Variants in DST observed in about 807,000 individuals in gnomAD.
DST encodes bullous pemphigoid antigen.
DST carries 253 observed loss-of-function variants against 875.2 expected under a neutral mutation model. That is an observed-to-expected ratio of 0.29 (90% CI 0.26 to 0.32). The LOEUF is 0.32. Among genes scored for constraint, DST ranks in the 10% least tolerant of loss-of-function variants. DST has a pLI of 1.00. For missense variants in DST, 8,287 were observed against 9,111.6 expected (o/e 0.91, Z 3.68); for synonymous variants, 3,124 against 3,197.1 (o/e 0.98, Z 0.77).
At position 56,851,568 on chromosome 6, in the gene DST, A is replaced by C. The variant is rs1218220419; in HGVS notation, c.454T>G (p.Ser152Ala). The C allele has an allele frequency of 1.9e-6, 3 of 1,614,006 alleles. No individual in the cohort carries two copies. Among genetic ancestry groups the C allele is most frequent in the Admixed American group, 1.7e-5 (1 of 60,028 alleles). ...TCCTCATCGGAAAAATCCGCAGAGGAAGACATAGAGCAGCGATAGGACGCG... is the reference window on the plus strand; with the variant it reads ...TCCTCATCGGAAAAATCCGCAGAGGCAGACATAGAGCAGCGATAGGACGCG... ...GNASYRCSMS[S>A]SADFSDEDDF... The change falls in exon 4 of 104, where the codon TCC (serine) becomes GCC (alanine). Residue 152 changes from serine (S) to alanine (A), a missense_variant. Around this residue, in one of 10 missense-constraint regions of DST, gnomAD observed 1,160 missense variants for 1,424.3 expected, o/e 0.81. Coordinates refer to ENST00000680361, the MANE Select transcript of DST (RefSeq NM_001374736.1).
intron 69 of DST, among the ~76,000 whole-genome samples, chr6:56,522,776 T>C (rs895410202): frequency 1.3e-5 from 2 of 152,056 alleles, no homozygotes; most frequent in African/African-American, 4.8e-5. Flanking sequence ...AAGCTTGGGA[T>C]TCCCAGACCC....
chr6:56,691,892 C>T (rs140295896), intron 9 of DST, among the ~76,000 whole-genome samples: 1 of 152,290 alleles, frequency 6.6e-6, no homozygotes. Context: ...GTGAATGTTT[C>T]TGCACATGAA....
chr6:56,776,498 G>T (rs2099679489), intron 4 of DST, among the ~76,000 whole-genome samples: 1 of 152,138 alleles, frequency 6.6e-6, no homozygotes, highest in African/African-American at 2.4e-5. Flanking sequence ...AACAACAGGG[G>T]AAGTTGGACA....
Position 56,635,457 on chromosome 6 carries a change from G to C in DST, c.3186+132C>G, listed in dbSNP as rs558656348. On this transcript the variant is annotated intron_variant, in intron 24 of 103. Coordinates refer to ENST00000680361, the MANE Select transcript of DST (RefSeq NM_001374736.1). ...TTGTTGCCAAAAGAATACTAAAACTGAATGTGCAAATGTGTAATTGAATTA... is the reference window on the plus strand; with the variant it reads ...TTGTTGCCAAAAGAATACTAAAACTCAATGTGCAAATGTGTAATTGAATTA... The C allele has an allele frequency of 1.0e-5, 9 of 900,224 alleles. No homozygotes were observed. The South Asian group carries it at 1.5e-4, about 15-fold the overall frequency. The allele number at this position is 900,224 out of a possible 1,614,324, so 55.8% of individuals were successfully genotyped here.
intron 3 of DST, among the ~76,000 whole-genome samples, chr6:56,878,041 TA>T (rs953344272): frequency 2.5e-4 from 37 of 147,480 alleles, no homozygotes; most frequent in East Asian, 3.9e-4. Flanking sequence ...AATTGGAAGT[TA>T]AAAAAAAAAA....
chr6:56,561,173 A>G lies in DST; in HGVS notation c.14310+135T>C, dbSNP rs1884286. ...ATCTTTATAGAAAGGCACATTAAACAAAACTGTCAATTATGTGCTAAAGGT... is the reference window on the plus strand; with the variant it reads ...ATCTTTATAGAAAGGCACATTAAACGAAACTGTCAATTATGTGCTAAAGGT... On this transcript the variant is annotated intron_variant, in intron 57 of 103. Coordinates refer to ENST00000680361, the MANE Select transcript of DST (RefSeq NM_001374736.1). 0.39 allele frequency: 404,025 copies of G among 1,027,796 alleles called. 81,616 individuals carry two copies. The highest frequency in any genetic ancestry group is 0.42 in the Admixed American group (13,450 of 31,936). The allele number at this position is 1,027,796 out of a possible 1,614,324, so 63.7% of individuals were successfully genotyped here.
chr6:56,927,709 T>C (rs1458377074), intron 2 of DST, among the ~76,000 whole-genome samples: 1 of 152,190 alleles, frequency 6.6e-6, no homozygotes, highest in Non-Finnish European at 1.5e-5. Flanking sequence ...GCAACTGATC[T>C]TGACAAAAAT....
rs1163080227 is a variant in DST at position 56,601,554 on chromosome 6, C to T, written c.11430G>A (p.Arg3810=). 8.7e-6 allele frequency: 14 copies of T among 1,604,652 alleles called. No homozygotes were observed. The highest frequency in any genetic ancestry group is 1.2e-5 in the Non-Finnish European group (14 of 1,175,604). The change falls in exon 44 of 104, where the codon AGG becomes AGA. Residue 3810 remains arginine (R), a synonymous_variant. Coordinates refer to ENST00000680361, the MANE Select transcript of DST (RefSeq NM_001374736.1). The part of the protein sequence containing the change: ...LSPNQSKQLL[R]LLNTTQKCFL... Reference sequence around the variant, plus strand: ...AACACTTCTGAGTTGTATTTAAGAGCCTCAGCAGTTGTTTGCTTTGGTTGG... The same window carrying T: ...AACACTTCTGAGTTGTATTTAAGAGTCTCAGCAGTTGTTTGCTTTGGTTGG...
chr6:56,669,542 G>A (rs1588185333), intron 10 of DST, among the ~76,000 whole-genome samples: 1 of 150,742 alleles, frequency 6.6e-6, no homozygotes, highest in Non-Finnish European at 1.5e-5. Flanking sequence ...GCTGCAGTGA[G>A]CTGAGATCAT....
Position 56,934,560 on chromosome 6 carries a change from TTATATATATA to T in DST, c.216+19215_216+19224del, listed in dbSNP as rs60018139. ...TAAAATATACATATTATATATTATA[TTATATATATA>T]TATATATATATATATATATCGTGAG... is the stretch of plus-strand genomic sequence containing the variant. On this transcript the variant is annotated intron_variant, in intron 2 of 103. Transcript: ENST00000680361. Among the ~76,000 whole-genome samples, 18 of 106,486 alleles carry T rather than the reference TTATATATATA, an allele frequency of 1.7e-4. No homozygotes were observed. In the South Asian group the frequency reaches 1.8e-3, roughly 11 times the overall value. The allele number at this position is 106,486 out of a possible 152,430, so 69.9% of individuals were successfully genotyped here.
At chr6:56,474,836 G>A (rs1019485957) in intron 92 of DST, among the ~76,000 whole-genome samples, 2 of 151,972 alleles carry the variant, frequency 1.3e-5, no homozygotes, top group African/African-American at 4.8e-5. Flanking sequence ...GCATGTGCCT[G>A]TAGTCCCAGC....
rs377495525 is a variant in DST, at chr6:56,716,907, T to C, written c.688-12538A>G. ...TATAACAAGCATGCAACCGACCGGGTGCGGTGGCTCACGCCTGTAATCCCA... is the reference window on the plus strand; with the variant it reads ...TATAACAAGCATGCAACCGACCGGGCGCGGTGGCTCACGCCTGTAATCCCA... On this transcript the variant is annotated intron_variant, in intron 5 of 103. Transcript: ENST00000680361. 1.8e-4 allele frequency among the ~76,000 whole-genome samples: 27 copies of C among 152,080 alleles called. No individual in the cohort carries two copies. In the East Asian group the frequency reaches 4.1e-3, roughly 23 times the overall value.
rs748597663 is a variant in DST at position 56,469,974 on chromosome 6, T to A, written c.22477-17A>T. ...CCTTGTCACCTGCCAAAAACAATGA[T>A]GAAATATTTACTTTAATGTCAATAT... On this transcript the variant is annotated splice_polypyrimidine_tract_variant and intron_variant, in intron 96 of 103. Coordinates refer to ENST00000680361, the MANE Select transcript of DST (RefSeq NM_001374736.1). 6.2e-7 allele frequency: 1 copy of A among 1,612,890 alleles called. No individual in the cohort carries two copies. The highest frequency in any genetic ancestry group is 8.5e-7 in the Non-Finnish European group (1 of 1,178,950).
chr6:56,801,186 C>T (rs2099746389), intron 4 of DST, among the ~76,000 whole-genome samples: 1 of 152,092 alleles, frequency 6.6e-6, no homozygotes. Flanking sequence ...TGGATTTCAT[C>T]AGTTTTTCAT....
chr6:56,578,852 G>C lies in DST; in HGVS notation c.12989C>G (p.Ser4330Cys), dbSNP rs1347926129. The change falls in exon 50 of 104, where the codon TCT becomes TGT. Residue 4330 changes from serine (S) to cysteine (C), a missense_variant. By Grantham distance (112) the Ser-to-Cys change is moderately radical (BLOSUM62 -1). This residue lies in a region of DST where 1,513 missense variants were observed against 1,677.8 expected (regional missense o/e 0.90). Coordinates refer to ENST00000680361, the MANE Select transcript of DST (RefSeq NM_001374736.1). ...GATATCATTCTTGGCTGGAAGTAAAGATCCCCTGGCATCTAAAAGCACTTC... is the reference window on the plus strand; with the variant it reads ...GATATCATTCTTGGCTGGAAGTAAACATCCCCTGGCATCTAAAAGCACTTC... ...TAEVLLDARG[S>C]LLPAKNDIQK... is the part of the protein sequence containing the mutation. The C allele has an allele frequency of 6.2e-7, 1 of 1,611,736 alleles. No homozygotes were observed. The highest frequency in any genetic ancestry group is 1.3e-5 in the African/African-American group (1 of 75,028).
intron 13 of DST, among the ~76,000 whole-genome samples, chr6:56,647,686 ATGTT>A (rs1395160164): frequency 1.4e-5 from 2 of 148,120 alleles, no homozygotes; most frequent in African/African-American, 5.2e-5. Context: ...GCTTTTTGTA[ATGTT>A]TTTTTTTTTT....
At chr6:56,464,800 G>A in intron 99 of DST, 44 bp from the exon 100 acceptor site, 1 of 1,415,440 alleles carries the variant, frequency 7.1e-7, no homozygotes, top group Non-Finnish European at 9.8e-7. Flanking sequence ...AAAGAATACT[G>A]TTAGCAGAAG....
chr6:56,857,217 T>C (rs1028039353), intron 3 of DST, among the ~76,000 whole-genome samples: 4 of 152,126 alleles, frequency 2.6e-5, no homozygotes, highest in African/African-American at 9.7e-5. Context: ...GGGGTCTCAC[T>C]ATGTTGACCA....
At chr6:56,871,574 G>A (rs1777119126) in intron 3 of DST, 1 of 901,008 alleles carries the variant, frequency 1.1e-6, no homozygotes, top group African/African-American at 1.6e-5. Context: ...CACACTGCTG[G>A]ACCTACAGAG....
Sources: gnomAD v4.1 joint callset for allele counts (sites outside exome capture counted in the v4.1 genomes callset) on GRCh38, gnomAD v4.1.1 for gene constraint, gnomAD v4.1.1 regional missense constraint, MANE v1.5 for transcripts, NCBI Gene and HGNC (gene_info 2026-07-23, HGNC 2026-07-21) for gene names.